Variants in PIGG observed in about 807,000 individuals in gnomAD.
The protein encoded by PIGG is GPI ethanolamine phosphate transferase 2, catalytic subunit.
In PIGG, 70 loss-of-function variants were observed where a neutral mutation model predicts 83.2. That is an observed-to-expected ratio of 0.84 (90% CI 0.69 to 1.03). The LOEUF is 1.03. PIGG is among the 50% of genes least tolerant of loss of function. The pLI is 0.00. For synonymous variants in PIGG, 532 were observed against 519.5 expected (o/e 1.02, Z -0.33); for missense variants, 1,257 against 1,233.6 (o/e 1.02, Z -0.28).
intron 5 of PIGG, among the ~76,000 whole-genome samples, chr4:512,923 C>T (rs1308723869): frequency 8.6e-5 from 13 of 152,020 alleles, no homozygotes; most frequent in African/African-American, 2.2e-4. Context: ...AATCCTCTAT[C>T]GGGAGCTGGG....
In PIGG at chr4:523,839, C is replaced by T. The variant is rs1366290729; in HGVS notation, c.1995C>T (p.Cys665=). 5 of 1,603,600 alleles carry T rather than the reference C, an allele frequency of 3.1e-6. No homozygotes were observed. Among genetic ancestry groups the T allele is most frequent in the Non-Finnish European group, 4.3e-6 (5 of 1,175,390 alleles). The change falls in exon 9 of 13, where the codon TGC becomes TGT. Residue 665 remains cysteine, a synonymous_variant. Coordinates refer to ENST00000453061, the MANE Select transcript of PIGG (RefSeq NM_001127178.3). The stretch of plus-strand genomic sequence containing the variant: ...GTCCGTGGCTAATACTGGCCTGCTG[C>T]CGGCTGCTGCGCTCCCTAAACCAGA... ...LASPWLILAC[C]RLLRSLNQTG...
intron 6 of PIGG, among the ~76,000 whole-genome samples, chr4:520,300 G>A (rs35334779): frequency 0.18 from 27,009 of 152,212 alleles, 3,092 homozygotes; most frequent in African/African-American, 0.33. Flanking sequence ...AAGTGAGTGT[G>A]GTCCCGGCAG....
intron 1 of PIGG, chr4:499,739 A>ACT: frequency 1.5e-6 from 2 of 1,346,752 alleles, no homozygotes; most frequent in Non-Finnish European, 1.9e-6. Context: ...AGCTGTGTCC[A>ACT]TACCTGGGAT....
Position 499,418 on chromosome 4 carries a change from T to C in PIGG, c.83T>C (p.Phe28Ser). The part of the protein sequence containing the change: ...LGIAVFLRGF[F>S]PAPVRSSARA... ...ATCGCGGTCTTCCTTCGGGGATTCT[T>C]CCCGGCTCCCGTTCGTTCCTCTGCC... Residue 28 changes from phenylalanine to serine, a missense_variant, in exon 1 of 13, where the codon TTC (phenylalanine) becomes TCC (serine). Coordinates refer to ENST00000453061, the MANE Select transcript of PIGG (RefSeq NM_001127178.3). 1 of 1,608,306 alleles carries C rather than the reference T, an allele frequency of 6.2e-7. No individual in the cohort carries two copies. Among genetic ancestry groups the C allele is most frequent in the Non-Finnish European group, 8.5e-7 (1 of 1,179,784 alleles).
At chr4:505,954 T>C (rs782364233) in intron 3 of PIGG, 27 bp downstream of exon 3, 1 of 1,447,054 alleles carries the variant, frequency 6.9e-7, no homozygotes, top group Non-Finnish European at 9.7e-7. Context: ...AGAAAATATA[T>C]CATACTAGAA....
At chr4:530,138 C>G (rs538851793) in intron 10 of PIGG, among the ~76,000 whole-genome samples, 1 of 152,082 alleles carries the variant, frequency 6.6e-6, no homozygotes, top group South Asian at 2.1e-4. Flanking sequence ...CCGCTTGGGT[C>G]GTGCCACCAG....
chr4:521,557 T>C (rs969069448), intron 7 of PIGG, 103 bp from the exon 8 acceptor site: 82 of 1,122,630 alleles, frequency 7.3e-5, no homozygotes, highest in Non-Finnish European at 9.7e-5. Flanking sequence ...CTTTTCTGTT[T>C]TTACTGTGTG....
chr4:530,253 G>A (rs1378634024), intron 10 of PIGG, among the ~76,000 whole-genome samples, 183 bp from the exon 11 acceptor site: 1 of 152,156 alleles, frequency 6.6e-6, no homozygotes, highest in East Asian at 1.9e-4. Flanking sequence ...GCTGCTGTGC[G>A]GAGGAGACAT....
Position 521,231 on chromosome 4 carries a change from C to T in PIGG, c.1290C>T (p.Tyr430=), listed in dbSNP as rs764654528. 8.2e-5 allele frequency: 132 copies of T among 1,613,878 alleles called. No individual in the cohort carries two copies. The highest frequency in any genetic ancestry group is 1.0e-4 in the Non-Finnish European group (119 of 1,179,918). The stretch of plus-strand genomic sequence containing the variant: ...CCCTGAGTGCACAAGTGGCCCAGTA[C>T]GACATCTATTCGATGATGGTGGGGA... ...SLSLSAQVAQ[Y]DIYSMMVGTV... is the part of the protein sequence containing the mutation. The change falls in exon 7 of 13, where the codon TAC becomes TAT. Residue 430 remains tyrosine, a synonymous_variant. Transcript: ENST00000453061.
chr4:514,442 C>A (rs1252283178), intron 5 of PIGG, among the ~76,000 whole-genome samples: 1 of 152,040 alleles, frequency 6.6e-6, no homozygotes, highest in Non-Finnish European at 1.5e-5. Flanking sequence ...TCTGTAGGTC[C>A]CCAGCCCCAA....
chr4:538,814 G>A (rs973489840), intron 12 of PIGG, among the ~76,000 whole-genome samples: 4 of 152,312 alleles, frequency 2.6e-5, no homozygotes, highest in East Asian at 1.9e-4. Flanking sequence ...CTCAAGGTGT[G>A]TGTGGGGGGG....
intron 9 of PIGG, chr4:524,648 G>T (rs1727078354): frequency 6.6e-6 from 1 of 151,958 alleles, no homozygotes; most frequent in Admixed American, 6.5e-5. Context: ...CTCCCACAAG[G>T]CTCACTTCCA....
intron 9 of PIGG, chr4:525,682 T>G (rs1159385455): frequency 6.6e-6 from 1 of 152,284 alleles, no homozygotes; most frequent in Non-Finnish European, 1.5e-5. Flanking sequence ...TCTGATTAAG[T>G]AATTCTTGTG....
chr4:515,219 G>T lies in PIGG; in HGVS notation c.902-754G>T, dbSNP rs1723431923. On this transcript the variant is annotated intron_variant, in intron 5 of 12. Transcript: ENST00000453061. This position sits in a 1 kb window ranked among gnomAD's most constrained non-coding sequence, Gnocchi z 4.2. ...CCTGCCGGTGTACGTTGAATTCCAG[G>T]GTGTGGAGCTGTTTGCTGTCTTTAC... is the stretch of plus-strand genomic sequence containing the variant. Among the ~76,000 whole-genome samples, 1 of 152,248 alleles carries T rather than the reference G, an allele frequency of 6.6e-6. No homozygotes were observed. Among genetic ancestry groups the T allele is most frequent in the Non-Finnish European group, 1.5e-5 (1 of 68,050 alleles).
At position 530,559 on chromosome 4, in the gene PIGG, G is replaced by A; in HGVS notation, c.2385G>A (p.Trp795Ter). The change falls in exon 11 of 13, where the codon TGG becomes TGA. Residue 795 changes from tryptophan to a stop codon, truncating the protein, a stop_gained. Transcript: ENST00000453061. LOFTEE classifies it high-confidence loss of function. ...ADFKLKTVGLWEIYSGLVLLA... is the reference protein window; with the variant it reads ...ADFKLKTVGL ...TCAAACTCAAGACTGTAGGTTTATG[G>A]GAGATATATAGTGGATTAGTTCTTC... 1 of 1,613,662 alleles carries A rather than the reference G, an allele frequency of 6.2e-7. No individual in the cohort carries two copies. Among genetic ancestry groups the A allele is most frequent in the South Asian group, 1.1e-5 (1 of 91,072 alleles).
chr4:515,952 A>G lies in PIGG; in HGVS notation c.902-21A>G. The G allele has an allele frequency of 6.3e-7, 1 of 1,593,084 alleles. No homozygotes were observed. Among genetic ancestry groups the G allele is most frequent in the Non-Finnish European group, 8.6e-7 (1 of 1,160,932 alleles). ...TACACTTTCTAGAAGTCTGTTACTT[A>G]AAATGTTTTCTTTCTTCTAGGTGAT... On this transcript the variant is annotated intron_variant, in intron 5 of 12. Coordinates refer to ENST00000453061, the MANE Select transcript of PIGG (RefSeq NM_001127178.3). This position sits in a 1 kb window ranked among gnomAD's most constrained non-coding sequence, Gnocchi z 4.2.
chr4:511,295 TTAAAA>T (rs1289669266), intron 5 of PIGG, among the ~76,000 whole-genome samples: 3 of 142,798 alleles, frequency 2.1e-5, no homozygotes, highest in African/African-American at 8.2e-5. Context: ...CTCCCCATCT[TTAAAA>T]AAAAAAAAAA....
chr4:499,247 A>G lies in PIGG; in HGVS notation c.-89A>G, dbSNP rs1716582423. ...ACGATAAGGCCTGGCGTTATTGCTT[A>G]GAGGCGGCTACCTGGAGCCGGAAGC... is the stretch of plus-strand genomic sequence containing the variant. On this transcript the variant is annotated 5_prime_UTR_variant, in exon 1 of 13. Transcript: ENST00000453061. 7.0e-7 allele frequency: 1 copy of G among 1,426,406 alleles called. No individual in the cohort carries two copies. 88.4% of individuals were successfully genotyped at this position (1,426,406 alleles called of 1,614,324 possible). A position where few individuals can be genotyped will look rare whatever the true frequency, so the allele number is the denominator to read the frequency against.
Position 512,365 on chromosome 4 carries a change from A to C in PIGG, c.901+3395A>C, listed in dbSNP as rs113442807. The stretch of plus-strand genomic sequence containing the variant: ...CTCCCGAGTAGCTGGGATTACAGGC[A>C]CCCACCACCACCGGTTAATTTTTGT... On this transcript the variant is annotated intron_variant, in intron 5 of 12. Transcript: ENST00000453061. 2.9e-4 allele frequency among the ~76,000 whole-genome samples: 44 copies of C among 150,882 alleles called. 1 individual carries two copies. The highest frequency in any genetic ancestry group is 1.0e-3 in the African/African-American group (43 of 40,978).
Sources: allele counts gnomAD v4.1 joint callset (sites outside exome capture counted in the v4.1 genomes callset), GRCh38; gene constraint gnomAD v4.1.1; non-coding constraint Gnocchi (gnomAD v3.1); transcripts MANE v1.5; gene names NCBI Gene and HGNC (gene_info 2026-07-23, HGNC 2026-07-21).